The following ARHGAP8 variants were observed in gnomAD, a reference collection of about 807,000 sequenced individuals.
ARHGAP8 encodes rho GTPase-activating protein 8.
Under a neutral mutation model 46.1 loss-of-function variants are expected in ARHGAP8, and 62 were observed. That is an observed-to-expected ratio of 1.34 (90% CI 1.10 to 1.66). The LOEUF (loss-of-function observed/expected upper bound fraction) is 1.66, where lower values mean the gene tolerates loss of function less well. ARHGAP8 is among the 40% of genes most tolerant of loss of function. The pLI is 0.00. For synonymous variants in ARHGAP8, 375 were observed against 243.1 expected (o/e 1.54, Z -5.05); for missense variants, 923 against 568.4 (o/e 1.62, Z -6.34).
intron 1 of ARHGAP8, chr22:44,777,172 C>T (rs1227095368): frequency 6.6e-6 from 1 of 152,210 alleles, no homozygotes; most frequent in African/African-American, 2.4e-5. Context: ...GCATACTCTA[C>T]CACCTCCCGC....
At chr22:44,807,782 A>G (rs1415506240) in intron 3 of ARHGAP8, among the ~76,000 whole-genome samples, 1 of 152,182 alleles carries the variant, frequency 6.6e-6, no homozygotes. Context: ...TCCAGCCCAT[A>G]AAGGCTGTCA....
intron 10 of ARHGAP8, chr22:44,849,801 C>G (rs1385050889): frequency 6.6e-6 from 1 of 152,230 alleles, no homozygotes; most frequent in Non-Finnish European, 1.5e-5. Context: ...AATCTTGAAT[C>G]TTAAAATCAA....
chr22:44,767,780 G>A (rs189220930), intron 1 of ARHGAP8, among the ~76,000 whole-genome samples: 3,139 of 150,786 alleles, frequency 0.021, 43 homozygotes, highest in South Asian at 0.045. Flanking sequence ...GGCTGAGGCA[G>A]GAGAATCACT....
chr22:44,831,298 G>T (rs531967300), intron 7 of ARHGAP8, among the ~76,000 whole-genome samples: 134 of 152,256 alleles, frequency 8.8e-4, no homozygotes, highest in Non-Finnish European at 1.7e-3. Context: ...ACCACTTAGG[G>T]GTTAGATTTG....
At chr22:44,855,777 C>G (rs1198586297) in intron 10 of ARHGAP8, among the ~76,000 whole-genome samples, 3 of 152,162 alleles carry the variant, frequency 2.0e-5, no homozygotes, top group Non-Finnish European at 2.9e-5. Context: ...GACAAGCGCC[C>G]TCAGAGCTGG....
chr22:44,816,664 G>A (rs1929763741), intron 5 of ARHGAP8, among the ~76,000 whole-genome samples: 1 of 151,860 alleles, frequency 6.6e-6, no homozygotes, highest in South Asian at 2.1e-4. Flanking sequence ...AAATTAGCCG[G>A]ATGTGTAGCA....
intron 1 of ARHGAP8, among the ~76,000 whole-genome samples, chr22:44,760,004 C>T (rs1343748853): frequency 6.6e-6 from 1 of 152,140 alleles, no homozygotes; most frequent in Admixed American, 6.5e-5. Context: ...CCCCAGCAGC[C>T]CTTTAGAGAC....
chr22:44,798,570 C>G (rs1928263591), intron 2 of ARHGAP8, among the ~76,000 whole-genome samples: 1 of 151,182 alleles, frequency 6.6e-6, no homozygotes, highest in Non-Finnish European at 1.5e-5. Flanking sequence ...ACTCTTCCCC[C>G]ACTACACAGG....
At chr22:44,779,299 CCA>C (rs1926659522) in intron 1 of ARHGAP8, among the ~76,000 whole-genome samples, 3 of 152,064 alleles carry the variant, frequency 2.0e-5, no homozygotes, top group Non-Finnish European at 4.4e-5. Flanking sequence ...TGGGGTTTCA[CCA>C]TGTTGACCAG....
intron 5 of ARHGAP8, among the ~76,000 whole-genome samples, chr22:44,820,565 C>T (rs1056960122): frequency 2.0e-5 from 3 of 152,136 alleles, no homozygotes; most frequent in Non-Finnish European, 2.9e-5. Flanking sequence ...CTGCAGGGGT[C>T]CCACCAGCCC....
At chr22:44,757,503 C>G (rs151205270) in intron 1 of ARHGAP8, among the ~76,000 whole-genome samples, 2 of 152,318 alleles carry the variant, frequency 1.3e-5, no homozygotes, top group East Asian at 3.9e-4. Context: ...TCTCAAACTA[C>G]TGACCTCAGG....
Position 44,794,654 on chromosome 22 carries a change from G to C in ARHGAP8, c.80-7423G>C, listed in dbSNP as rs868821176. Among the ~76,000 whole-genome samples, 82 of 152,196 alleles carry C rather than the reference G, an allele frequency of 5.4e-4. 1 individual carries two copies. Among genetic ancestry groups the C allele is most frequent in the African/African-American group, 1.9e-3 (80 of 41,520 alleles). ...GAACCCAGGAGATGGAGGTTGCTGT[G>C]AGCCGAGATTGGGCCACTGCACTCC... On this transcript the variant is annotated intron_variant, in intron 2 of 11. Transcript: ENST00000356099.
chr22:44,825,324 T>C (rs558294894), intron 6 of ARHGAP8, among the ~76,000 whole-genome samples, 159 bp from the exon 7 acceptor site: 1 of 151,780 alleles, frequency 6.6e-6, no homozygotes, highest in East Asian at 2.0e-4. Context: ...TGTGACTGTG[T>C]GTATGTGAGT....
chr22:44,769,766 T>C lies in ARHGAP8; in HGVS notation c.-71-16691T>C, dbSNP rs1925859528. Among the ~76,000 whole-genome samples, 4 of 152,210 alleles carry C rather than the reference T, an allele frequency of 2.6e-5. No homozygotes were observed. In the South Asian group the frequency reaches 6.2e-4, roughly 24 times the overall value. On this transcript the variant is annotated intron_variant, in intron 1 of 11. Coordinates refer to ENST00000356099, the MANE Select transcript of ARHGAP8 (RefSeq NM_181335.3). ...CCTGCTACACAGAAAACCCAATTCA[T>C]TGAGACCGCAGGATTGCGGTAAAGA...
At chr22:44,762,603 G>A (rs1488289556) in intron 1 of ARHGAP8, among the ~76,000 whole-genome samples, 1 of 149,028 alleles carries the variant, frequency 6.7e-6, no homozygotes, top group Non-Finnish European at 1.5e-5. Context: ...CAGTGCAGTG[G>A]CACAGTCTCG....
chr22:44,780,095 T>C (rs140761983), intron 1 of ARHGAP8, among the ~76,000 whole-genome samples: 58 of 152,310 alleles, frequency 3.8e-4, no homozygotes, highest in African/African-American at 1.2e-3. Flanking sequence ...AGCTAATGTA[T>C]GTTCTCCCTC....
intron 7 of ARHGAP8, among the ~76,000 whole-genome samples, chr22:44,844,058 G>T (rs1362426999): frequency 6.6e-6 from 1 of 151,998 alleles, no homozygotes; most frequent in Non-Finnish European, 1.5e-5. Flanking sequence ...TGCAACTTCC[G>T]CCTCCTGGGT....
intron 1 of ARHGAP8, among the ~76,000 whole-genome samples, chr22:44,761,124 C>A (rs964174874): frequency 6.6e-6 from 1 of 152,234 alleles, no homozygotes; most frequent in Non-Finnish European, 1.5e-5. Context: ...TTGAGCAAAT[C>A]CAGGCATGGG....
intron 5 of ARHGAP8, among the ~76,000 whole-genome samples, chr22:44,817,654 A>C (rs1012550527): frequency 3.3e-5 from 5 of 151,990 alleles, no homozygotes; most frequent in African/African-American, 4.8e-5. Context: ...AAACACAAAA[A>C]ATTAGCGGGT....
Sources: gnomAD v4.1 joint callset for allele counts (sites outside exome capture counted in the v4.1 genomes callset) on GRCh38, gnomAD v4.1.1 for gene constraint, MANE v1.5 for transcripts, NCBI Gene and HGNC (gene_info 2026-07-23, HGNC 2026-07-21) for gene names.